DTX4: variants seen among roughly 807,000 people sequenced by gnomAD.
DTX4 encodes deltex E3 ubiquitin ligase 4.
DTX4 carries 28 observed loss-of-function variants against 57.6 expected under a neutral mutation model. That is an observed-to-expected ratio of 0.49 (90% CI 0.36 to 0.67). The LOEUF is 0.67. Among genes scored for constraint, DTX4 ranks in the 30% least tolerant of loss-of-function variants. The probability of loss-of-function intolerance (pLI) is 0.00; values close to 1 mark genes in which losing one functional copy is unlikely to be tolerated. For missense variants in DTX4, 715 were observed against 836.8 expected (o/e 0.85, Z 1.80); for synonymous variants, 316 against 331.0 (o/e 0.95, Z 0.49).
chr11:59,204,583 A>G, intron 8 of DTX4, 93 bp from the exon 9 acceptor site: 1 of 1,189,330 alleles, frequency 8.4e-7, no homozygotes. Flanking sequence ...GCAGGAAGGG[A>G]TGGGGCCCTT....
chr11:59,195,470 A>C, intron 7 of DTX4, 101 bp downstream of exon 7: 1 of 1,359,146 alleles, frequency 7.4e-7, no homozygotes, highest in Non-Finnish European at 9.8e-7. Flanking sequence ...TCCTTCCCAC[A>C]CTTTTCCGCC....
At chr11:59,191,741 T>A (rs1183049179) in intron 5 of DTX4, among the ~76,000 whole-genome samples, 1 of 152,176 alleles carries the variant, frequency 6.6e-6, no homozygotes. Flanking sequence ...AAAATACAAT[T>A]CCTTTACATT....
At chr11:59,176,612 A>G (rs998299188) in intron 1 of DTX4, among the ~76,000 whole-genome samples, 1 of 152,164 alleles carries the variant, frequency 6.6e-6, no homozygotes, top group Non-Finnish European at 1.5e-5. Context: ...GATTTCTTGG[A>G]CCTAGCGCAT....
rs146918210 is a variant in DTX4, at chr11:59,204,067, T to A, written c.1627-609T>A. On this transcript the variant is annotated intron_variant, in intron 8 of 8. Coordinates refer to ENST00000227451, the MANE Select transcript of DTX4 (RefSeq NM_015177.2). ...TCTTGCTCAACAAACATTTTTTTTT[T>A]AATTTAACTGATTTAGAACATTCTG... Among the ~76,000 whole-genome samples, 802 of 152,324 alleles carry A rather than the reference T, an allele frequency of 5.3e-3. 4 individuals carry two copies. Among genetic ancestry groups the A allele is most frequent in the African/African-American group, 0.014 (574 of 41,568 alleles).
intron 2 of DTX4, among the ~76,000 whole-genome samples, chr11:59,187,523 G>A (rs1862543078): frequency 6.6e-6 from 1 of 152,216 alleles, no homozygotes; most frequent in Admixed American, 6.5e-5. Flanking sequence ...ACAAAGTAGG[G>A]CTCAATAAAC....
chr11:59,192,152 C>CA lies in DTX4; in HGVS notation c.1277dup (p.Pro427AlafsTer6). On this transcript the variant is annotated frameshift_variant, in exon 6 of 9. Transcript: ENST00000227451. LOFTEE classifies it high-confidence loss of function. ...GGCCCCCTCAGGCTACAAGGGCCCGCAGCCTACGGTAAAACCTGACCTGGT... is the reference window on the plus strand; with the variant it reads ...GGCCCCCTCAGGCTACAAGGGCCCGCAAGCCTACGGTAAAACCTGACCTGGT... 7 of 1,613,954 alleles carry CA rather than the reference C, an allele frequency of 4.3e-6. No individual in the cohort carries two copies. Among genetic ancestry groups the CA allele is most frequent in the Non-Finnish European group, 5.9e-6 (7 of 1,179,892 alleles).
chr11:59,192,022 C>A, intron 5 of DTX4, 76 bp from the exon 6 acceptor site: 1 of 1,528,178 alleles, frequency 6.5e-7, no homozygotes, highest in South Asian at 1.2e-5. Flanking sequence ...GCTCATCTGA[C>A]CTCTGAGATC....
chr11:59,200,701 A>G (rs1862730631), intron 8 of DTX4, among the ~76,000 whole-genome samples: 1 of 152,232 alleles, frequency 6.6e-6, no homozygotes, highest in Non-Finnish European at 1.5e-5. Context: ...CAGTGGTTCT[A>G]TGAACTCTAA....
intron 4 of DTX4, among the ~76,000 whole-genome samples, chr11:59,189,570 G>A (rs999927915): frequency 6.6e-6 from 1 of 152,204 alleles, no homozygotes; most frequent in Admixed American, 6.5e-5. Flanking sequence ...AATATAAGGC[G>A]TGGTACAAAG....
chr11:59,194,195 T>A (rs1020054453), intron 6 of DTX4, among the ~76,000 whole-genome samples: 2 of 152,220 alleles, frequency 1.3e-5, no homozygotes, highest in Admixed American at 1.3e-4. Context: ...TTAATCTTGC[T>A]GTGCCTCGAT....
chr11:59,193,490 T>TA (rs1365033211), intron 6 of DTX4, among the ~76,000 whole-genome samples: 1 of 152,174 alleles, frequency 6.6e-6, no homozygotes, highest in African/African-American at 2.4e-5. Context: ...AACCCTGGGC[T>TA]AAAAGGATTC....
At chr11:59,198,889 A>C (rs1862706906) in intron 7 of DTX4, among the ~76,000 whole-genome samples, 1 of 152,204 alleles carries the variant, frequency 6.6e-6, no homozygotes, top group Admixed American at 6.5e-5. Flanking sequence ...GCTTTTCATG[A>C]GCTTCTCAAA....
chr11:59,184,526 GA>G (rs1192282845), intron 2 of DTX4, among the ~76,000 whole-genome samples: 1 of 152,222 alleles, frequency 6.6e-6, no homozygotes, highest in African/African-American at 2.4e-5. Context: ...CCATGTAGGG[GA>G]AGTCAAAGCT....
At chr11:59,190,857 A>T (rs1256973519) in intron 4 of DTX4, among the ~76,000 whole-genome samples, 1 of 152,232 alleles carries the variant, frequency 6.6e-6, no homozygotes, top group Non-Finnish European at 1.5e-5. Context: ...CAATTAAAAA[A>T]GTGGTTTGTT....
intron 6 of DTX4, among the ~76,000 whole-genome samples, chr11:59,194,291 C>A (rs944917086): frequency 6.6e-6 from 1 of 152,192 alleles, no homozygotes; most frequent in African/African-American, 2.4e-5. Context: ...ATATTAAACT[C>A]TTTATAGTAT....
At position 59,183,760 on chromosome 11, in the gene DTX4, C is replaced by G. The variant is rs1424446870; in HGVS notation, c.935+1298C>G. Among the ~76,000 whole-genome samples the G allele has an allele frequency of 1.6e-4, 25 of 152,328 alleles. No individual in the cohort carries two copies. In the East Asian group the frequency reaches 4.8e-3, roughly 29 times the overall value. ...AGTTGGAAATCCAGAGGCCCAGCCC[C>G]TACTCCTACCTCTGTCACTGGGGTG... is the stretch of plus-strand genomic sequence containing the variant. On this transcript the variant is annotated intron_variant, in intron 2 of 8. Coordinates refer to ENST00000227451, the MANE Select transcript of DTX4 (RefSeq NM_015177.2).
chr11:59,192,321 C>G lies in DTX4; in HGVS notation c.1374+71C>G, dbSNP rs567707130. 3 of 1,564,612 alleles carry G rather than the reference C, an allele frequency of 1.9e-6. No individual in the cohort carries two copies. The African/African-American group carries it at 4.1e-5, about 21-fold the overall frequency. On this transcript the variant is annotated intron_variant, in intron 6 of 8. Transcript: ENST00000227451. ...CTGGAGTAGCAAGATGGTGAAGGCC[C>G]TTTAGGGCCCTTGCTCAAGTGATCT...
At chr11:59,181,524 T>A (rs147023909) in intron 1 of DTX4, among the ~76,000 whole-genome samples, 23 of 152,350 alleles carry the variant, frequency 1.5e-4, no homozygotes, top group Non-Finnish European at 2.8e-4. Flanking sequence ...TCCTTCATGC[T>A]GTAACTCATC....
chr11:59,182,355 T>TCC lies in DTX4; in HGVS notation c.832_833dup (p.Gly279GlnfsTer15). The TCC allele has an allele frequency of 4.3e-6, 7 of 1,613,490 alleles. No homozygotes were observed. The highest frequency in any genetic ancestry group is 5.9e-6 in the Non-Finnish European group (7 of 1,179,818). ...GGACAACCATGGGCTCTCCTGCCAG[T>TCC]CCCCCAGGACCCAACAGCAAGACCG... On this transcript the variant is annotated frameshift_variant, in exon 2 of 9. Transcript: ENST00000227451. LOFTEE classifies it high-confidence loss of function.
Sources: gnomAD v4.1 joint callset for allele counts (sites outside exome capture counted in the v4.1 genomes callset) on GRCh38, gnomAD v4.1.1 for gene constraint, MANE v1.5 for transcripts, NCBI Gene and HGNC (gene_info 2026-07-23, HGNC 2026-07-21) for gene names.